WBP2NL: variants seen among roughly 807,000 people sequenced by gnomAD.
The protein encoded by WBP2NL is WBP2 N-terminal like, also known as postacrosomal sheath WW domain-binding protein.
A neutral mutation model predicts 23.3 loss-of-function variants in WBP2NL; 27 were observed. The observed-to-expected ratio is 1.16, with a 90% CI of 0.85 to 1.60. The LOEUF (loss-of-function observed/expected upper bound fraction) is 1.60, where lower values mean the gene tolerates loss of function less well. WBP2NL is among the 40% of genes most tolerant of loss of function. The probability of loss-of-function intolerance (pLI) is 0.00; values close to 1 mark genes in which losing one functional copy is unlikely to be tolerated. For synonymous variants in WBP2NL, 151 were observed against 145.9 expected (o/e 1.03, Z -0.25); for missense variants, 370 against 389.5 (o/e 0.95, Z 0.42).
intron 1 of WBP2NL, 150 bp downstream of exon 1, chr22:41,999,030 G>A: frequency 3.3e-6 from 3 of 906,614 alleles, no homozygotes; most frequent in South Asian, 2.2e-5. Flanking sequence ...GGGAGCGCGC[G>A]CCCCTCACTG....
At chr22:42,018,180 G>A (rs1227576196) in intron 1 of WBP2NL, among the ~76,000 whole-genome samples, 4 of 150,926 alleles carry the variant, frequency 2.7e-5, no homozygotes, top group African/African-American at 9.8e-5. Flanking sequence ...GCCAGGCGTG[G>A]TGGTGCTTGC....
chr22:42,050,721 A>G (rs1485186335), intron 8 of WBP2NL, among the ~76,000 whole-genome samples: 3 of 152,122 alleles, frequency 2.0e-5, no homozygotes, highest in Non-Finnish European at 4.4e-5. Context: ...ACCAAAGAAG[A>G]TAAACAGATG....
At chr22:42,011,346 G>A (rs150656198) in intron 1 of WBP2NL, among the ~76,000 whole-genome samples, 2,601 of 151,968 alleles carry the variant, frequency 0.017, 44 homozygotes, top group South Asian at 0.033. Flanking sequence ...CTCAATCTCC[G>A]AGGCTCAAGT....
At chr22:42,011,043 T>C (rs1174204641) in intron 1 of WBP2NL, among the ~76,000 whole-genome samples, 2 of 152,198 alleles carry the variant, frequency 1.3e-5, no homozygotes, top group African/African-American at 4.8e-5. Context: ...TAGTATTTTG[T>C]TGAGGATTTT....
At chr22:42,054,309 C>T (rs1429624029) in intron 8 of WBP2NL, among the ~76,000 whole-genome samples, 2 of 151,908 alleles carry the variant, frequency 1.3e-5, no homozygotes, top group Non-Finnish European at 2.9e-5. Flanking sequence ...GCCTCCTGAG[C>T]AGCTGGGATT....
chr22:42,000,403 A>G (rs1391172038), intron 1 of WBP2NL, among the ~76,000 whole-genome samples: 1 of 152,160 alleles, frequency 6.6e-6, no homozygotes, highest in Non-Finnish European at 1.5e-5. Context: ...TTGTCATTCC[A>G]TGGTGTGAAG....
chr22:42,026,911 A>C lies in WBP2NL; in HGVS notation c.660A>C (p.Pro220=). ...YRASPVRYGA[P]PLGYGAPPAG... ...CCTCACCTGTGCGATATGGAGCCCCACCTCTTGGATACGGAGCCCCACCTG... is the reference window on the plus strand; with the variant it reads ...CCTCACCTGTGCGATATGGAGCCCCCCCTCTTGGATACGGAGCCCCACCTG... Residue 220 remains proline, a synonymous_variant, in exon 6 of 6, where the codon CCA becomes CCC. Transcript: ENST00000328823. 1 of 1,609,886 alleles carries C rather than the reference A, an allele frequency of 6.2e-7. No individual in the cohort carries two copies. Among genetic ancestry groups the C allele is most frequent in the African/African-American group, 1.4e-5 (1 of 73,296 alleles).
At chr22:42,014,866 T>G (rs2050711875) in intron 1 of WBP2NL, among the ~76,000 whole-genome samples, 1 of 152,238 alleles carries the variant, frequency 6.6e-6, no homozygotes, top group Non-Finnish European at 1.5e-5. Context: ...TTTGTTTGTA[T>G]TCTTTCTTTT....
chr22:42,026,453 C>T (rs762845755), intron 5 of WBP2NL, among the ~76,000 whole-genome samples: 12 of 151,964 alleles, frequency 7.9e-5, no homozygotes, highest in Non-Finnish European at 1.2e-4. Context: ...TTTCCAAACG[C>T]ATATTCCTCA....
intron 4 of WBP2NL, among the ~76,000 whole-genome samples, chr22:42,021,164 C>A (rs901753626): frequency 2.0e-5 from 3 of 151,694 alleles, no homozygotes; most frequent in South Asian, 4.1e-4. Flanking sequence ...AGGAGATCCA[C>A]CTGCCTCAGC....
chr22:42,021,046 A>G (rs1427639874), intron 4 of WBP2NL, among the ~76,000 whole-genome samples: 1 of 145,978 alleles, frequency 6.9e-6, no homozygotes, highest in Non-Finnish European at 1.5e-5. Context: ...CAGCCTCCCA[A>G]GTAGCTGGGA....
chr22:42,037,128 T>TTGTGTG (rs3045493), downstream of WBP2NL, among the ~76,000 whole-genome samples: 703 of 148,190 alleles, frequency 4.7e-3, 6 homozygotes, highest in Middle Eastern at 0.021. Context: ...CAGATTTCAT[T>TTGTGTG]TGTGTGTGTG....
intron 8 of WBP2NL, among the ~76,000 whole-genome samples, chr22:42,043,892 A>G (rs192363166): frequency 6.6e-6 from 1 of 152,106 alleles, no homozygotes; most frequent in South Asian, 2.1e-4. Context: ...ATACCCGGCT[A>G]ATTTTTTGTA....
At chr22:42,030,201 G>T (rs1924846795), downstream of WBP2NL, among the ~76,000 whole-genome samples, 2 of 152,194 alleles carry the variant, frequency 1.3e-5, no homozygotes, top group African/African-American at 4.8e-5. Context: ...TTTGATTTTA[G>T]AATATTCAGT....
chr22:42,049,827 T>G (rs1925767752), intron 8 of WBP2NL, among the ~76,000 whole-genome samples: 1 of 149,808 alleles, frequency 6.7e-6, no homozygotes. Flanking sequence ...AAATACAAAA[T>G]TTAGCCAGGC....
chr22:42,016,436 C>T (rs74652413), intron 1 of WBP2NL, among the ~76,000 whole-genome samples: 4,385 of 152,248 alleles, frequency 0.029, 205 homozygotes, highest in African/African-American at 0.099. Flanking sequence ...TCCAGTACTT[C>T]GTATCTATCA....
At chr22:42,026,293 A>ATAC (rs1371515307) in intron 5 of WBP2NL, among the ~76,000 whole-genome samples, 2 of 147,998 alleles carry the variant, frequency 1.4e-5, no homozygotes, top group Non-Finnish European at 1.5e-5. Context: ...AATAATAATA[A>ATAC]TAATAATAAT....
At chr22:42,048,313 G>A (rs991437361) in intron 8 of WBP2NL, among the ~76,000 whole-genome samples, 7 of 148,426 alleles carry the variant, frequency 4.7e-5, no homozygotes, top group East Asian at 2.0e-4. Context: ...CCAGCTACTC[G>A]GGAGGCAGAG....
intron 1 of WBP2NL, among the ~76,000 whole-genome samples, chr22:42,006,419 C>G (rs1456850142): frequency 6.6e-6 from 1 of 152,092 alleles, no homozygotes; most frequent in East Asian, 1.9e-4. Context: ...ACTAAACCCA[C>G]TGATGGGGTT....
Sources: allele counts gnomAD v4.1 joint callset (sites outside exome capture counted in the v4.1 genomes callset), GRCh38; gene constraint gnomAD v4.1.1; transcripts MANE v1.5; gene names NCBI Gene and HGNC (gene_info 2026-07-23, HGNC 2026-07-21).